PLXNA4: variants seen among roughly 807,000 people sequenced by gnomAD.
The protein encoded by PLXNA4 is plexin A4.
Under a neutral mutation model 191.8 loss-of-function variants are expected in PLXNA4, and 44 were observed. The ratio of observed to expected loss-of-function variants is 0.23; its 90% confidence interval spans 0.18 to 0.29. The LOEUF (loss-of-function observed/expected upper bound fraction) is 0.29, where lower values mean the gene tolerates loss of function less well. Among genes scored for constraint, PLXNA4 ranks in the 10% least tolerant of loss-of-function variants. The pLI is 1.00. For missense variants in PLXNA4, 1,800 were observed against 2,488.8 expected, an observed-to-expected ratio of 0.72 and a Z score of 5.89; for synonymous variants, 1,082 against 1,009.5, an observed-to-expected ratio of 1.07 and a Z score of -1.36.
chr7:132,396,239 T>C (rs777488447), intron 3 of PLXNA4, among the ~76,000 whole-genome samples: 1 of 151,836 alleles, frequency 6.6e-6, no homozygotes, highest in African/African-American at 2.4e-5. Context: ...AATTGGGGAG[T>C]TCATAAAGGG....
At chr7:132,618,966 G>T (rs1803208638) in intron 2 of PLXNA4, among the ~76,000 whole-genome samples, 1 of 152,146 alleles carries the variant, frequency 6.6e-6, no homozygotes, top group South Asian at 2.1e-4. Flanking sequence ...ATTAAAAAAT[G>T]CAAGAAGAGG....
At position 132,129,524 on chromosome 7, in the gene PLXNA4, GAT is replaced by G. The variant is rs1414934003; in HGVS notation, c.*953_*954del. ...ATGAAGGTTGACAAAGGAGGGTGGA[GAT>G]AGATGCTTTCTCTTGACAGCACTCA... On this transcript the variant is annotated 3_prime_UTR_variant, in exon 32 of 32. Coordinates refer to ENST00000321063, the MANE Select transcript of PLXNA4 (RefSeq NM_020911.2). 3.3e-5 allele frequency: 5 copies of G among 152,296 alleles called. No individual in the cohort carries two copies. Among genetic ancestry groups the G allele is most frequent in the African/African-American group, 1.2e-4 (5 of 41,452 alleles). The allele number at this position is 152,296 out of a possible 1,614,324, so 9.4% of individuals were successfully genotyped here. A position where few individuals can be genotyped will look rare whatever the true frequency, so the allele number is the denominator to read the frequency against.
At chr7:132,366,536 AAG>A (rs540283249) in intron 3 of PLXNA4, among the ~76,000 whole-genome samples, 3 of 152,090 alleles carry the variant, frequency 2.0e-5, no homozygotes, top group Non-Finnish European at 2.9e-5. Flanking sequence ...TTAAAAAAAA[AAG>A]AGAGAGAGAA....
At chr7:132,215,776 C>T (rs143080814) in intron 9 of PLXNA4, among the ~76,000 whole-genome samples, 1 of 152,338 alleles carries the variant, frequency 6.6e-6, no homozygotes, top group Non-Finnish European at 1.5e-5. Flanking sequence ...TGGTGGTGAA[C>T]AGGTGGCGAT....
At chr7:132,531,074 G>C (rs1248991753) in intron 1 of PLXNA4, among the ~76,000 whole-genome samples, 1 of 152,238 alleles carries the variant, frequency 6.6e-6, no homozygotes, top group Admixed American at 6.5e-5. Flanking sequence ...GCTGGGAGGA[G>C]AAGAGAATGG....
At chr7:132,396,485 G>T (rs1432917789) in intron 3 of PLXNA4, among the ~76,000 whole-genome samples, 1 of 151,876 alleles carries the variant, frequency 6.6e-6, no homozygotes, top group African/African-American at 2.4e-5. Flanking sequence ...TGGGTTTTGG[G>T]TTTTTTATTT....
chr7:132,620,058 T>C (rs1585409778), intron 2 of PLXNA4, among the ~76,000 whole-genome samples: 1 of 152,200 alleles, frequency 6.6e-6, no homozygotes, highest in East Asian at 1.9e-4. Flanking sequence ...TGCCTCAGCC[T>C]CCCAAAGTGC....
intron 25 of PLXNA4, among the ~76,000 whole-genome samples, chr7:132,158,317 T>C (rs1795851721): frequency 1.3e-5 from 2 of 152,302 alleles, no homozygotes; most frequent in South Asian, 4.2e-4. Flanking sequence ...ATAGCATAGA[T>C]GCCCGTCTGT....
At chr7:132,532,166 C>T (rs996735055) in intron 1 of PLXNA4, among the ~76,000 whole-genome samples, 1 of 152,232 alleles carries the variant, frequency 6.6e-6, no homozygotes, top group African/African-American at 2.4e-5. Context: ...TTCCAACAAA[C>T]TGGCATTAGA....
chr7:132,365,307 C>T (rs1804108457), intron 3 of PLXNA4, among the ~76,000 whole-genome samples: 2 of 151,602 alleles, frequency 1.3e-5, no homozygotes, highest in Admixed American at 1.3e-4. Context: ...GCCCTGCTCC[C>T]CCGGTCTTTC....
intron 4 of PLXNA4, among the ~76,000 whole-genome samples, chr7:132,278,253 T>C (rs1415917783): frequency 6.6e-6 from 1 of 152,142 alleles, no homozygotes; most frequent in East Asian, 1.9e-4. Context: ...ACACTATCTT[T>C]TTGCACGGCG....
rs560571828 is a variant in PLXNA4 at position 132,296,810 on chromosome 7, G to A, written c.1503+1281C>T. On this transcript the variant is annotated intron_variant, in intron 4 of 31. Transcript: ENST00000321063. ...AGCAAGGAATGCAGACAAATGGGAA[G>A]CCTCGTGCCCAGCTGCAGGCTCCAT... Among the ~76,000 whole-genome samples the A allele has an allele frequency of 3.9e-5, 6 of 152,166 alleles. No individual in the cohort carries two copies. In the East Asian group the frequency reaches 1.2e-3, roughly 29 times the overall value.
chr7:132,507,958 A>C lies in PLXNA4; in HGVS notation c.736T>G (p.Tyr246Asp). 6.2e-7 allele frequency: 1 copy of C among 1,614,192 alleles called. No individual in the cohort carries two copies. The highest frequency in any genetic ancestry group is 8.5e-7 in the Non-Finnish European group (1 of 1,180,042). Residue 246 changes from tyrosine to aspartate, a missense_variant, in exon 2 of 32, where the codon TAT (tyrosine) becomes GAT (aspartate). Tyr to Asp is a radical substitution (Grantham distance 160). Around this residue, in one of 6 missense-constraint regions of PLXNA4, gnomAD observed 1,397 missense variants for 1,880.4 expected, o/e 0.74. Transcript: ENST00000321063. Reference sequence around the variant, plus strand: ...ACAAAGTTGCCACTGCTAAAACCATAGACATAGTAGATATCAAAGTCAGGG... The same window carrying C: ...ACAAAGTTGCCACTGCTAAAACCATCGACATAGTAGATATCAAAGTCAGGG... ...IIPDFDIYYV[Y>D]GFSSGNFVYF...
intron 2 of PLXNA4, among the ~76,000 whole-genome samples, chr7:132,635,938 G>T (rs1464530980): frequency 6.6e-6 from 1 of 152,168 alleles, no homozygotes; most frequent in Non-Finnish European, 1.5e-5. Flanking sequence ...GCAAAGATAG[G>T]ATGCAACTCT....
intron 3 of PLXNA4, among the ~76,000 whole-genome samples, chr7:132,377,395 C>G (rs1804699226): frequency 7.1e-6 from 1 of 141,306 alleles, no homozygotes; most frequent in African/African-American, 2.6e-5. Flanking sequence ...TTTCCAGACA[C>G]AGTCTTCTAC....
chr7:132,450,272 C>A (rs1008693769), intron 3 of PLXNA4, among the ~76,000 whole-genome samples: 3 of 152,172 alleles, frequency 2.0e-5, no homozygotes, highest in Admixed American at 6.5e-5. Context: ...GCAACCACAT[C>A]AAAACCCTGG....
At position 132,129,661 on chromosome 7, in the gene PLXNA4, T is replaced by C. The variant is rs1245602893; in HGVS notation, c.*818A>G. On this transcript the variant is annotated 3_prime_UTR_variant, in exon 32 of 32. Transcript: ENST00000321063. ...GGGTAGATGCAACTCTCTTTCCTTT[T>C]CTCCCCCTGTGTTACATTTCTGCTA... is the stretch of plus-strand genomic sequence containing the variant. 1.3e-5 allele frequency: 2 copies of C among 152,646 alleles called. No individual in the cohort carries two copies. The highest frequency in any genetic ancestry group is 2.9e-5 in the Non-Finnish European group (2 of 68,054). The allele number at this position is 152,646 out of a possible 1,614,324, so 9.5% of individuals were successfully genotyped here. A position where few individuals can be genotyped will look rare whatever the true frequency, so the allele number is the denominator to read the frequency against.
intron 3 of PLXNA4, among the ~76,000 whole-genome samples, chr7:132,369,158 A>G (rs1028398635): frequency 2.6e-5 from 4 of 152,156 alleles, no homozygotes; most frequent in Non-Finnish European, 4.4e-5. Flanking sequence ...CATTTGACCA[A>G]GACAGCTCCT....
chr7:132,259,482 G>GAAAAAAGA (rs1799557501), intron 4 of PLXNA4, among the ~76,000 whole-genome samples: 2 of 111,364 alleles, frequency 1.8e-5, no homozygotes, highest in Non-Finnish European at 3.6e-5. Context: ...AAGAAAAAAG[G>GAAAAAAGA]AAAAAAGAAA....
Sources: allele counts gnomAD v4.1 joint callset (sites outside exome capture counted in the v4.1 genomes callset), GRCh38; gene constraint gnomAD v4.1.1; regional missense constraint gnomAD v4.1.1; transcripts MANE v1.5; gene names NCBI Gene and HGNC (gene_info 2026-07-23, HGNC 2026-07-21).